The following PARD3B variants were observed in gnomAD, a reference collection of about 807,000 sequenced individuals.
PARD3B encodes partitioning defective 3 homolog B.
In PARD3B, 103 loss-of-function variants were observed where a neutral mutation model predicts 130.2. That is an observed-to-expected ratio of 0.79 (90% CI 0.67 to 0.93). PARD3B has a LOEUF of 0.93. PARD3B is among the 40% of genes least tolerant of loss of function. The pLI is 0.00. For synonymous variants in PARD3B, 583 were observed against 553.2 expected (o/e 1.05, Z -0.76); for missense variants, 1,609 against 1,499.2 (o/e 1.07, Z -1.21).
chr2:205,172,376 A>G lies in PARD3B; in HGVS notation c.1786A>G (p.Met596Val), dbSNP rs778346798. The change falls in exon 12 of 23, where the codon ATG becomes GTG. Residue 596 changes from methionine (M) to valine (V), a missense_variant. Met to Val is a conservative substitution (Grantham distance 21). Transcript: ENST00000406610. The stretch of plus-strand genomic sequence containing the variant: ...GATTCTGAGGAGGCCAGAGAGACCA[A>G]TGGAGGTGATGCAAATCTTGATTCT... Reference protein sequence around the residue: ...LVILRRPERPMEDPAECGAFS... With the variant: ...LVILRRPERPVEDPAECGAFS... 2.5e-6 allele frequency: 4 copies of G among 1,612,668 alleles called. No individual in the cohort carries two copies. Among genetic ancestry groups the G allele is most frequent in the South Asian group, 2.2e-5 (2 of 90,802 alleles).
intron 15 of PARD3B, among the ~76,000 whole-genome samples, chr2:205,200,581 A>G (rs1452492434): frequency 6.6e-6 from 1 of 152,230 alleles, no homozygotes; most frequent in Non-Finnish European, 1.5e-5. Context: ...AGAATGATGC[A>G]TTCATTCAAC....
chr2:204,626,422 T>A (rs2034488910), intron 1 of PARD3B, among the ~76,000 whole-genome samples: 1 of 152,204 alleles, frequency 6.6e-6, no homozygotes, highest in Non-Finnish European at 1.5e-5. Flanking sequence ...CATCTGCTAC[T>A]ACTGTGGCAA....
At chr2:204,811,627 A>G (rs1334781028) in intron 2 of PARD3B, among the ~76,000 whole-genome samples, 1 of 152,152 alleles carries the variant, frequency 6.6e-6, no homozygotes, top group Admixed American at 6.6e-5. Context: ...GGACAACATC[A>G]GATTCTGGAC....
chr2:205,209,663 T>G (rs958781432), intron 15 of PARD3B, among the ~76,000 whole-genome samples: 6 of 151,828 alleles, frequency 4.0e-5, no homozygotes, highest in African/African-American at 1.4e-4. Context: ...GTTTCATAAT[T>G]ATCCCTTCTG....
intron 21 of PARD3B, among the ~76,000 whole-genome samples, chr2:205,531,207 T>C (rs985989704): frequency 2.0e-5 from 3 of 152,060 alleles, no homozygotes; most frequent in African/African-American, 7.2e-5. Context: ...GAACTGCAAA[T>C]GTGGCCATTG....
chr2:205,524,670 T>C (rs2051255780), intron 21 of PARD3B, among the ~76,000 whole-genome samples: 1 of 152,184 alleles, frequency 6.6e-6, no homozygotes, highest in South Asian at 2.1e-4. Context: ...TCCAAGACTT[T>C]CCAGGTGTGC....
At chr2:205,297,596 C>T (rs2041842172) in intron 16 of PARD3B, among the ~76,000 whole-genome samples, 1 of 152,148 alleles carries the variant, frequency 6.6e-6, no homozygotes, top group East Asian at 1.9e-4. Flanking sequence ...GGAGAAGGTG[C>T]TTGTCAGAGC....
chr2:205,279,587 A>C (rs2041110294), intron 16 of PARD3B, among the ~76,000 whole-genome samples: 1 of 152,176 alleles, frequency 6.6e-6, no homozygotes, highest in South Asian at 2.1e-4. Context: ...CACTGCTTTT[A>C]TTTATGAAGT....
chr2:205,215,348 G>A (rs935765190), intron 15 of PARD3B, among the ~76,000 whole-genome samples: 4 of 151,534 alleles, frequency 2.6e-5, no homozygotes, highest in African/African-American at 9.7e-5. Context: ...TCTTAAAATA[G>A]GATTAAGAGA....
intron 20 of PARD3B, among the ~76,000 whole-genome samples, chr2:205,447,667 G>A (rs185620228): frequency 2.3e-4 from 35 of 152,258 alleles, no homozygotes; most frequent in African/African-American, 7.7e-4. Context: ...GTGAGCCACC[G>A]CACCCGGCTG....
At chr2:205,392,688 C>G (rs1447016577) in intron 18 of PARD3B, among the ~76,000 whole-genome samples, 1 of 152,104 alleles carries the variant, frequency 6.6e-6, no homozygotes, top group Non-Finnish European at 1.5e-5. Flanking sequence ...ACACATCCTA[C>G]AAGGCAAATC....
chr2:205,098,377 G>A (rs953575633), intron 4 of PARD3B, among the ~76,000 whole-genome samples: 1 of 152,114 alleles, frequency 6.6e-6, no homozygotes, highest in Non-Finnish European at 1.5e-5. Context: ...AAAAATCATG[G>A]CCATATATGA....
rs887631852 is a variant in PARD3B at position 205,463,877 on chromosome 2, G to T, written c.3044+23205G>T. Among the ~76,000 whole-genome samples the T allele has an allele frequency of 7.9e-5, 12 of 152,120 alleles. No homozygotes were observed. Among genetic ancestry groups the T allele is most frequent in the Non-Finnish European group, 1.5e-5 (1 of 68,028 alleles). On this transcript the variant is annotated intron_variant, in intron 20 of 22. Transcript: ENST00000406610. The surrounding 1 kb of genome is among the most constrained non-coding windows in gnomAD (Gnocchi z 4.8). ...TTAGGGACTTTGCTTTGGAGTAAAAGCAGCCGAGTAGGAAAATGGACTAGA... is the reference window on the plus strand; with the variant it reads ...TTAGGGACTTTGCTTTGGAGTAAAATCAGCCGAGTAGGAAAATGGACTAGA...
intron 1 of PARD3B, among the ~76,000 whole-genome samples, chr2:204,553,693 T>G (rs867045627): frequency 2.0e-5 from 2 of 100,366 alleles, no homozygotes; most frequent in Admixed American, 1.0e-4. Flanking sequence ...TATATATATA[T>G]ATACACACAT....
chr2:205,384,166 A>T (rs942691732), intron 18 of PARD3B, among the ~76,000 whole-genome samples: 27 of 152,076 alleles, frequency 1.8e-4, no homozygotes, highest in African/African-American at 6.0e-4. Context: ...ACAGAGAGAG[A>T]ATGGATAATT....
intron 18 of PARD3B, among the ~76,000 whole-genome samples, chr2:205,324,962 C>T (rs2042888801): frequency 6.6e-6 from 1 of 152,200 alleles, no homozygotes; most frequent in Admixed American, 6.5e-5. Flanking sequence ...GTCCTTTTCT[C>T]TCACCTGTGA....
chr2:204,906,992 T>C lies in PARD3B; in HGVS notation c.223-58160T>C, dbSNP rs1403096691. Among the ~76,000 whole-genome samples, 1 of 152,168 alleles carries C rather than the reference T, an allele frequency of 6.6e-6. No homozygotes were observed. Among genetic ancestry groups the C allele is most frequent in the Non-Finnish European group, 1.5e-5 (1 of 68,020 alleles). On this transcript the variant is annotated intron_variant, in intron 2 of 22. Coordinates refer to ENST00000406610, the MANE Select transcript of PARD3B (RefSeq NM_001302769.2). This position sits in a 1 kb window ranked among gnomAD's most constrained non-coding sequence, Gnocchi z 4.3. ...GTGGAAAACATGAAAGCTTTTTTTT[T>C]TCTTTTCAGACTGAGTCTTGCTCTG...
intron 2 of PARD3B, among the ~76,000 whole-genome samples, chr2:204,822,275 A>G (rs1300377732): frequency 1.3e-5 from 2 of 152,232 alleles, no homozygotes; most frequent in Non-Finnish European, 2.9e-5. Context: ...GAGTTTGAAG[A>G]TGTGACTGAA....
intron 18 of PARD3B, among the ~76,000 whole-genome samples, chr2:205,395,848 G>A (rs776560350): frequency 6.6e-6 from 1 of 152,096 alleles, no homozygotes; most frequent in Non-Finnish European, 1.5e-5. Context: ...AAAACACTTG[G>A]TTCCTCTGCC....
Sources: allele counts gnomAD v4.1 joint callset (sites outside exome capture counted in the v4.1 genomes callset), GRCh38; gene constraint gnomAD v4.1.1; non-coding constraint Gnocchi (gnomAD v3.1); transcripts MANE v1.5; gene names NCBI Gene and HGNC (gene_info 2026-07-23, HGNC 2026-07-21).